SUSD1: variants seen among roughly 807,000 people sequenced by gnomAD.
SUSD1 encodes the protein sushi domain-containing protein 1.
SUSD1 carries 65 observed loss-of-function variants against 86.9 expected under a neutral mutation model. That is an observed-to-expected ratio of 0.75 (90% confidence interval 0.61 to 0.92). The LOEUF is 0.92. Ranked by LOEUF, SUSD1 falls within the 40% of genes least tolerant of loss-of-function variation. The pLI is 0.00. For synonymous variants in SUSD1, 346 were observed against 350.0 expected, an observed-to-expected ratio of 0.99 and a Z score of 0.13; for missense variants, 850 against 929.7, an observed-to-expected ratio of 0.91 and a Z score of 1.11.
chr9:112,054,198 C>T (rs573176535), intron 14 of SUSD1, among the ~76,000 whole-genome samples: 80 of 152,188 alleles, frequency 5.3e-4, no homozygotes, highest in Middle Eastern at 3.4e-3. Flanking sequence ...ACATATAGGC[C>T]AATGGAACAG....
chr9:112,165,693 A>C (rs961030898), intron 1 of SUSD1, among the ~76,000 whole-genome samples: 2 of 151,920 alleles, frequency 1.3e-5, no homozygotes, highest in Middle Eastern at 3.4e-3. Flanking sequence ...TACAAGTGTG[A>C]GCTACCACAC....
intron 11 of SUSD1, among the ~76,000 whole-genome samples, chr9:112,079,872 G>T (rs1216349540): frequency 6.6e-6 from 1 of 152,104 alleles, no homozygotes; most frequent in Non-Finnish European, 1.5e-5. Context: ...AAAGTACTGG[G>T]ATTACAAATG....
Position 112,142,302 on chromosome 9 carries a change from T to A in SUSD1, c.706+18A>T, listed in dbSNP as rs1179071481. The A allele has an allele frequency of 6.5e-7, 1 of 1,535,836 alleles. No homozygotes were observed. Among genetic ancestry groups the A allele is most frequent in the South Asian group, 1.3e-5 (1 of 77,384 alleles). On this transcript the variant is annotated intron_variant, in intron 5 of 16. Coordinates refer to ENST00000374270, the MANE Select transcript of SUSD1 (RefSeq NM_022486.5). ...CAAGGTGGTATGAATTGGGAACCTGTATTTTTTGAAAACTCACCTTGGCAA... is the reference window on the plus strand; with the variant it reads ...CAAGGTGGTATGAATTGGGAACCTGAATTTTTTGAAAACTCACCTTGGCAA...
chr9:112,061,284 A>G (rs1309074968), intron 13 of SUSD1, among the ~76,000 whole-genome samples: 7 of 152,236 alleles, frequency 4.6e-5, no homozygotes, highest in Non-Finnish European at 7.3e-5. Context: ...ACACACTGGC[A>G]AAGCTGCTGC....
At position 112,058,608 on chromosome 9, in the gene SUSD1, AAAG is replaced by A. The variant is rs746185677; in HGVS notation, c.1926_1928del (p.Phe643del). ...ATCCATCAGCATCAGAGGCGTTGCT[AAAG>A]AAGGAGGAAGCGCCTTCAGAATCAC... On this transcript the variant is annotated inframe_deletion, in exon 14 of 17. Coordinates refer to ENST00000374270, the MANE Select transcript of SUSD1 (RefSeq NM_022486.5). The A allele has an allele frequency of 4.3e-6, 7 of 1,614,166 alleles. No individual in the cohort carries two copies. The highest frequency in any genetic ancestry group is 1.3e-5 in the African/African-American group (1 of 75,040).
intron 9 of SUSD1, among the ~76,000 whole-genome samples, chr9:112,100,859 C>CACACACACACACACACAT (rs1830604321): frequency 8.6e-6 from 1 of 115,788 alleles, no homozygotes; most frequent in Admixed American, 1.0e-4. Context: ...TGTACCTGGA[C>CACACACACACACACACAT]ACACACACAC....
chr9:112,142,233 T>C lies in SUSD1; in HGVS notation c.706+87A>G, dbSNP rs538431505. ...ATTTTAAAGGTTTACTTAACTCATTTATTCCCTGAAACTGAAATTTAGAGA... is the reference window on the plus strand; with the variant it reads ...ATTTTAAAGGTTTACTTAACTCATTCATTCCCTGAAACTGAAATTTAGAGA... On this transcript the variant is annotated intron_variant, in intron 5 of 16. Transcript: ENST00000374270. 1.9e-5 allele frequency: 22 copies of C among 1,169,438 alleles called. No individual in the cohort carries two copies. In the African/African-American group the frequency reaches 3.1e-4, roughly 17 times the overall value. 72.4% of individuals were successfully genotyped at this position (1,169,438 alleles called of 1,614,324 possible). A position where few individuals can be genotyped will look rare whatever the true frequency, so the allele number is the denominator to read the frequency against.
chr9:112,065,463 T>C (rs1035320339), intron 12 of SUSD1, among the ~76,000 whole-genome samples: 17 of 152,216 alleles, frequency 1.1e-4, no homozygotes, highest in Non-Finnish European at 2.1e-4. Flanking sequence ...AGGCAGAGGT[T>C]GCAGTGAGCC....
At chr9:112,094,689 A>T (rs1830326366) in intron 10 of SUSD1, among the ~76,000 whole-genome samples, 1 of 152,274 alleles carries the variant, frequency 6.6e-6, no homozygotes, top group Admixed American at 6.5e-5. Flanking sequence ...AGTGAAGGAA[A>T]TAACACTAAG....
intron 1 of SUSD1, among the ~76,000 whole-genome samples, chr9:112,157,828 T>C (rs572591579): frequency 8.6e-5 from 13 of 150,766 alleles, no homozygotes; most frequent in South Asian, 4.2e-4. Flanking sequence ...TTCTTTCTTT[T>C]TTTTTTTTTT....
At chr9:112,130,088 C>T (rs909218793) in intron 5 of SUSD1, among the ~76,000 whole-genome samples, 4 of 152,078 alleles carry the variant, frequency 2.6e-5, no homozygotes. Flanking sequence ...ATAATAATAG[C>T]ATTCAGCCAG....
intron 9 of SUSD1, among the ~76,000 whole-genome samples, chr9:112,099,869 A>G (rs1320045774): frequency 6.6e-6 from 1 of 152,182 alleles, no homozygotes; most frequent in Non-Finnish European, 1.5e-5. Flanking sequence ...ATTCTCTTGG[A>G]TAACTTAAAG....
At chr9:112,080,944 T>C (rs959733101) in intron 10 of SUSD1, among the ~76,000 whole-genome samples, 5 of 152,220 alleles carry the variant, frequency 3.3e-5, no homozygotes, top group African/African-American at 1.2e-4. Context: ...GGTGGCGGGA[T>C]TCTCTTGGTT....
intron 12 of SUSD1, among the ~76,000 whole-genome samples, chr9:112,074,466 G>A (rs556215005): frequency 2.3e-4 from 35 of 152,170 alleles, no homozygotes; most frequent in African/African-American, 2.4e-5. Flanking sequence ...TGCATTCACC[G>A]AAACACTTGC....
chr9:112,081,979 G>A (rs1205701494), intron 10 of SUSD1, among the ~76,000 whole-genome samples: 1 of 152,096 alleles, frequency 6.6e-6, no homozygotes, highest in Non-Finnish European at 1.5e-5. Context: ...GTTTAATAGG[G>A]TTTATAAGAA....
rs1242734627 is a variant in SUSD1, at chr9:112,157,564, T to C, written c.153A>G (p.Arg51=). The C allele has an allele frequency of 1.2e-6, 2 of 1,614,174 alleles. No homozygotes were observed. Among genetic ancestry groups the C allele is most frequent in the Non-Finnish European group, 1.7e-6 (2 of 1,180,022 alleles). ...TCHEHATCQQ[R]EGKKICICNY... is the part of the protein sequence containing the mutation. ...TGCAAATACAGATCTTCTTCCCTTC[T>C]CTTTGCTGGCATGTGGCATGTTCAT... Residue 51 remains arginine, a synonymous_variant, in exon 2 of 17, where the codon AGA becomes AGG. Transcript: ENST00000374270.
intron 1 of SUSD1, among the ~76,000 whole-genome samples, chr9:112,162,109 T>C (rs375230377): frequency 5.4e-4 from 83 of 152,342 alleles, no homozygotes; most frequent in African/African-American, 1.9e-3. Context: ...TGTTTAAGTG[T>C]GCAGTTTCAG....
At position 112,078,811 on chromosome 9, in the gene SUSD1, C is replaced by CTTTTTTT. The variant is rs71496739; in HGVS notation, c.1567-94_1567-88dup. 5.5e-3 allele frequency: 3,496 copies of CTTTTTTT among 639,760 alleles called. 12 individuals carry two copies. Among genetic ancestry groups the CTTTTTTT allele is most frequent in the African/African-American group, 0.012 (502 of 41,486 alleles). The allele number at this position is 639,760 out of a possible 1,614,324, so 39.6% of individuals were successfully genotyped here. On this transcript the variant is annotated intron_variant, in intron 11 of 16. Transcript: ENST00000374270. ...ACCTCCCCTTTTCCTTTTTCTTTCT[C>CTTTTTTT]TTTTTTTTTTTTTTTTTTTGAGATG...
Position 112,087,326 on chromosome 9 carries a change from T to A in SUSD1, c.1475-7161A>T, listed in dbSNP as rs113153924. On this transcript the variant is annotated intron_variant, in intron 10 of 16. Transcript: ENST00000374270. ...CCTCCTGAGTAGCTGGAATTACAGG[T>A]GTGCACCACCAAGCCTGGCTAATTT... Among the ~76,000 whole-genome samples the A allele has an allele frequency of 4.3e-3, 647 of 152,146 alleles. 3 individuals are homozygous for A. The highest frequency in any genetic ancestry group is 8.2e-3 in the Admixed American group (125 of 15,274).
Sources: gnomAD v4.1 joint callset for allele counts (sites outside exome capture counted in the v4.1 genomes callset) on GRCh38, gnomAD v4.1.1 for gene constraint, MANE v1.5 for transcripts, NCBI Gene and HGNC (gene_info 2026-07-23, HGNC 2026-07-21) for gene names.